Variants in PBX1 observed in about 807,000 individuals in gnomAD.
PBX1 encodes PBX homeobox 1, also known as pre-B-cell leukemia transcription factor 1.
In PBX1, 6 loss-of-function variants were observed where a neutral mutation model predicts 53.4. The ratio of observed to expected loss-of-function variants is 0.11; its 90% CI spans 0.06 to 0.22. The LOEUF is 0.22. PBX1 is among the 10% of genes least tolerant of loss of function. PBX1 has a pLI of 1.00. For synonymous variants in PBX1, 204 were observed against 212.3 expected, an observed-to-expected ratio of 0.96 and a Z score of 0.34; for missense variants, 251 against 551.4, an observed-to-expected ratio of 0.46 and a Z score of 5.46.
At chr1:164,590,142 G>T (rs986756719) in intron 2 of PBX1, among the ~76,000 whole-genome samples, 2 of 151,868 alleles carry the variant, frequency 1.3e-5, no homozygotes, top group East Asian at 1.9e-4. Flanking sequence ...AGCCTGGGAG[G>T]TCAAGGCTGC....
At chr1:164,712,287 A>G (rs916153115) in intron 2 of PBX1, among the ~76,000 whole-genome samples, 28 of 151,752 alleles carry the variant, frequency 1.8e-4, no homozygotes, top group South Asian at 2.1e-4. Flanking sequence ...GTCAGCGGCT[A>G]TCTTCTCTGT....
At chr1:164,867,062 G>T (rs557077949) in intron 2 of PBX1, among the ~76,000 whole-genome samples, 2 of 152,300 alleles carry the variant, frequency 1.3e-5, no homozygotes, top group South Asian at 4.1e-4. Context: ...GTGGAGATTA[G>T]AAAATTTATT....
At position 164,636,881 on chromosome 1, in the gene PBX1, T is replaced by C. The variant is rs564248644; in HGVS notation, c.265+73570T>C. 4.6e-5 allele frequency among the ~76,000 whole-genome samples: 7 copies of C among 152,292 alleles called. No homozygotes were observed. The South Asian group carries it at 1.2e-3, about 27-fold the overall frequency. ...GATGTGTGGTTTGTGTGTGTTTATG[T>C]GTGATCACTGAAGTGTAGGATATGG... is the stretch of plus-strand genomic sequence containing the variant. On this transcript the variant is annotated intron_variant, in intron 2 of 8. Coordinates refer to ENST00000420696, the MANE Select transcript of PBX1 (RefSeq NM_002585.4).
At chr1:164,759,876 C>T (rs1666719243) in intron 2 of PBX1, among the ~76,000 whole-genome samples, 1 of 152,124 alleles carries the variant, frequency 6.6e-6, no homozygotes, top group African/African-American at 2.4e-5. Flanking sequence ...AGGTTTTGGC[C>T]ATGAGCTAAT....
chr1:164,797,120 C>T (rs754520285), intron 3 of PBX1, among the ~76,000 whole-genome samples: 1 of 152,196 alleles, frequency 6.6e-6, no homozygotes, highest in African/African-American at 2.4e-5. Flanking sequence ...GGTGAAACGA[C>T]CCCACTGTCT....
intron 2 of PBX1, among the ~76,000 whole-genome samples, chr1:164,633,055 C>T (rs151102407): frequency 1.3e-5 from 2 of 152,254 alleles, no homozygotes; most frequent in African/African-American, 4.8e-5. Context: ...AACTAGTTTG[C>T]CTGTTAAGTC....
At chr1:164,673,940 A>ATTC (rs1661276645) in intron 2 of PBX1, among the ~76,000 whole-genome samples, 1 of 152,176 alleles carries the variant, frequency 6.6e-6, no homozygotes, top group East Asian at 1.9e-4. Flanking sequence ...TTGTAGGGAA[A>ATTC]GTAAAGGGAT....
chr1:164,665,275 T>A (rs1415142279), intron 2 of PBX1, among the ~76,000 whole-genome samples: 1 of 152,088 alleles, frequency 6.6e-6, no homozygotes. Flanking sequence ...ATTTTCAGAT[T>A]TTATTTTATT....
intron 2 of PBX1, among the ~76,000 whole-genome samples, chr1:164,728,765 G>A (rs1414561632): frequency 1.3e-5 from 2 of 152,094 alleles, no homozygotes. Flanking sequence ...TTATAACACC[G>A]GTTGAGTAAT....
intron 2 of PBX1, among the ~76,000 whole-genome samples, chr1:164,737,444 A>G (rs1230529190): frequency 6.6e-6 from 1 of 152,050 alleles, no homozygotes; most frequent in Admixed American, 6.6e-5. Context: ...GAGTTTTGAT[A>G]AACATTTTTA....
chr1:164,628,406 C>A (rs12087582), intron 2 of PBX1, among the ~76,000 whole-genome samples: 3,770 of 152,244 alleles, frequency 0.025, 156 homozygotes, highest in African/African-American at 0.086. Flanking sequence ...TCCTTGATGG[C>A]AGTAGGGAGC....
chr1:164,854,580 A>G (rs758669961), downstream of PBX1, among the ~76,000 whole-genome samples: 32 of 152,034 alleles, frequency 2.1e-4, no homozygotes, highest in Admixed American at 6.5e-5. Context: ...ACTATAGTGT[A>G]CAAAGAAGTA....
At chr1:164,804,689 T>C (rs1261485094) in intron 4 of PBX1, among the ~76,000 whole-genome samples, 1 of 152,202 alleles carries the variant, frequency 6.6e-6, no homozygotes, top group Non-Finnish European at 1.5e-5. Flanking sequence ...AGAGGTAGAT[T>C]TGAAAGTGTA....
chr1:164,854,275 C>T (rs1480093343), downstream of PBX1: 4 of 152,134 alleles, frequency 2.6e-5, no homozygotes, highest in Non-Finnish European at 4.4e-5. Flanking sequence ...TGATTACAAC[C>T]AGTTACAGAT....
intron 2 of PBX1, among the ~76,000 whole-genome samples, chr1:164,647,700 T>A (rs1659539326): frequency 6.6e-6 from 1 of 152,114 alleles, no homozygotes; most frequent in African/African-American, 2.4e-5. Context: ...AACATTAAAA[T>A]CACCTGGGGA....
chr1:164,623,550 C>T (rs949392596), intron 2 of PBX1, among the ~76,000 whole-genome samples: 36 of 152,240 alleles, frequency 2.4e-4, no homozygotes, highest in African/African-American at 8.7e-4. Flanking sequence ...AAGCAGCCAT[C>T]TCACTGCCAA....
At chr1:164,718,539 A>G (rs1664238517) in intron 2 of PBX1, among the ~76,000 whole-genome samples, 1 of 152,196 alleles carries the variant, frequency 6.6e-6, no homozygotes, top group African/African-American at 2.4e-5. Context: ...AGTGTTCAAA[A>G]TGGTTCTGTG....
Position 164,849,385 on chromosome 1 carries a change from C to T in PBX1, c.*2709C>T, listed in dbSNP as rs867919323. On this transcript the variant is annotated 3_prime_UTR_variant, in exon 9 of 9. Coordinates refer to ENST00000420696, the MANE Select transcript of PBX1 (RefSeq NM_002585.4). Reference sequence around the variant, plus strand: ...GCAAGCCCACTATCACTTCCGACTTCCAACGTGGCATCCGTGAGATCTGTC... The same window carrying T: ...GCAAGCCCACTATCACTTCCGACTTTCAACGTGGCATCCGTGAGATCTGTC... 6.5e-7 allele frequency: 1 copy of T among 1,535,702 alleles called. No homozygotes were observed. Among genetic ancestry groups the T allele is most frequent in the South Asian group, 1.2e-5 (1 of 84,060 alleles).
At chr1:164,874,425 ATAT>A (rs1200310621) in intron 2 of PBX1, among the ~76,000 whole-genome samples, 5 of 152,188 alleles carry the variant, frequency 3.3e-5, no homozygotes, top group Non-Finnish European at 5.9e-5. Context: ...GTATTCTATA[ATAT>A]TAAGTATAGA....
Sources: allele counts gnomAD v4.1 joint callset (sites outside exome capture counted in the v4.1 genomes callset), GRCh38; gene constraint gnomAD v4.1.1; transcripts MANE v1.5; gene names NCBI Gene and HGNC (gene_info 2026-07-23, HGNC 2026-07-21).